Variants in INPP5D observed in about 807,000 individuals in gnomAD.
The protein encoded by INPP5D is inositol polyphosphate-5-phosphatase D.
A neutral mutation model predicts 122.9 loss-of-function variants in INPP5D; 33 were observed. The observed-to-expected ratio is 0.27, with a 90% CI of 0.20 to 0.36. The LOEUF (loss-of-function observed/expected upper bound fraction) is 0.36. INPP5D is among the 10% of genes least tolerant of loss of function. INPP5D has a pLI of 1.00. For synonymous variants in INPP5D, 584 were observed against 576.2 expected (o/e 1.01, Z -0.19); for missense variants, 1,053 against 1,412.7 (o/e 0.75, Z 4.08).
intron 1 of INPP5D, among the ~76,000 whole-genome samples, chr2:233,074,840 A>G (rs1355413221): frequency 6.6e-6 from 1 of 152,212 alleles, no homozygotes; most frequent in Non-Finnish European, 1.5e-5. Flanking sequence ...TGAATTTTAT[A>G]GTTGGATTCT....
rs893997157 is a variant in INPP5D at position 233,105,654 on chromosome 2, C to T, written c.199-16453C>T. Among the ~76,000 whole-genome samples, 13 of 152,216 alleles carry T rather than the reference C, an allele frequency of 8.5e-5. No individual in the cohort carries two copies. Among genetic ancestry groups the T allele is most frequent in the African/African-American group, 3.1e-4 (13 of 41,452 alleles). On this transcript the variant is annotated intron_variant, in intron 2 of 26. Transcript: ENST00000445964. This position sits in a 1 kb window ranked among gnomAD's most constrained non-coding sequence, Gnocchi z 4.0. ...GGGAAGGGTAAGAGGGTAGTGACCG[C>T]AAGCGGGCCGCCTGCTGGCTGCTGC...
intron 2 of INPP5D, among the ~76,000 whole-genome samples, chr2:233,114,428 A>T (rs907848533): frequency 1.3e-5 from 2 of 152,232 alleles, no homozygotes; most frequent in Admixed American, 6.5e-5. Context: ...GGGAGAGGCC[A>T]GGCCGGGAGG....
chr2:233,170,151 A>G lies in INPP5D; in HGVS notation c.1778A>G (p.Asp593Gly), dbSNP rs1336638244. The change falls in exon 15 of 27, where the codon GAT becomes GGT. Residue 593 changes from aspartate to glycine, a missense_variant. Around this residue, in one of 6 missense-constraint regions of INPP5D, gnomAD observed 258 missense variants for 439.1 expected, o/e 0.59. Coordinates refer to ENST00000445964, the MANE Select transcript of INPP5D (RefSeq NM_001017915.3). This position sits in a 1 kb window ranked among gnomAD's most constrained non-coding sequence, Gnocchi z 4.5. The stretch of plus-strand genomic sequence containing the variant: ...TTTGGGGATCTTAACTACCGTGTGG[A>G]TCTGCCTACCTGGGTAAGGGCTGCC... ...FWFGDLNYRVDLPTWEAETII... is the reference protein window; with the variant it reads ...FWFGDLNYRVGLPTWEAETII... The G allele has an allele frequency of 3.1e-6, 5 of 1,613,940 alleles. No homozygotes were observed. The Admixed American group carries it at 5.0e-5, about 16-fold the overall frequency.
intron 24 of INPP5D, 89 bp from the exon 25 acceptor site, chr2:233,198,006 A>C (rs543399937): frequency 2.1e-6 from 3 of 1,437,498 alleles, no homozygotes; most frequent in African/African-American, 2.9e-5. Flanking sequence ...AGAGAGCCCT[A>C]GGGTTATCAG....
At chr2:233,140,741 G>C (rs926980668) in intron 6 of INPP5D, 2 of 152,166 alleles carry the variant, frequency 1.3e-5, no homozygotes, top group Non-Finnish European at 2.9e-5. Flanking sequence ...AGATCTCACT[G>C]TGTTGCCCAG....
chr2:233,125,822 G>C lies in INPP5D; in HGVS notation c.427G>C (p.Val143Leu), dbSNP rs1390931252. Residue 143 changes from valine (V) to leucine (L), a missense_variant, in exon 4 of 27, where the codon GTT (valine) becomes CTT (leucine). By Grantham distance (32) the Val-to-Leu change is conservative. This residue lies in a region of INPP5D where 196 missense variants were observed against 175.6 expected (regional missense o/e 1.12). Coordinates refer to ENST00000445964, the MANE Select transcript of INPP5D (RefSeq NM_001017915.3). ...TGCCAGCTCCTGTGAGGCCAAGGAG[G>C]TTCCTTTTTCAAACGAGAATCCCCG... ...LTASSCEAKE[V>L]PFSNENPRAT... 8.1e-6 allele frequency: 13 copies of C among 1,613,908 alleles called. No homozygotes were observed. The highest frequency in any genetic ancestry group is 1.0e-5 in the Non-Finnish European group (12 of 1,179,858).
At chr2:233,152,572 T>C (rs1172984211) in intron 9 of INPP5D, among the ~76,000 whole-genome samples, 1 of 152,036 alleles carries the variant, frequency 6.6e-6, no homozygotes, top group Non-Finnish European at 1.5e-5. Context: ...GACCTGGGGA[T>C]TTAAATAGAA....
intron 20 of INPP5D, among the ~76,000 whole-genome samples, chr2:233,184,950 G>A (rs1385986520): frequency 6.6e-6 from 1 of 152,068 alleles, no homozygotes. Context: ...GCTCGTTGGA[G>A]ATCACAGCGT....
At chr2:233,073,701 A>G (rs1691442896) in intron 1 of INPP5D, among the ~76,000 whole-genome samples, 1 of 148,554 alleles carries the variant, frequency 6.7e-6, no homozygotes. Flanking sequence ...TTGCATCTGT[A>G]GGACTGAGAT....
intron 13 of INPP5D, among the ~76,000 whole-genome samples, chr2:233,165,379 T>C (rs552170222): frequency 6.6e-6 from 1 of 150,712 alleles, no homozygotes; most frequent in Admixed American, 6.6e-5. Flanking sequence ...AGTCCATGCA[T>C]GTGTGTTTGT....
chr2:233,180,421 C>T lies in INPP5D; in HGVS notation c.2072-1989C>T, dbSNP rs543617209. ...TTCTCCCTGGAACACCCCTCCTCCA[C>T]TGCCACAGCAAACCTGTACCCCTGT... On this transcript the variant is annotated intron_variant, in intron 18 of 26. Transcript: ENST00000445964. Among the ~76,000 whole-genome samples, 3 of 152,276 alleles carry T rather than the reference C, an allele frequency of 2.0e-5. No homozygotes were observed. The East Asian group carries it at 5.8e-4, about 29-fold the overall frequency.
intron 22 of INPP5D, among the ~76,000 whole-genome samples, chr2:233,191,032 G>A (rs1409043580): frequency 1.3e-5 from 2 of 152,208 alleles, no homozygotes; most frequent in Non-Finnish European, 2.9e-5. Flanking sequence ...CTGGGCCTGG[G>A]ATTGGGGAAA....
rs376428985 is a variant in INPP5D, at chr2:233,195,470, A to G, written c.2668A>G (p.Met890Val). The G allele has an allele frequency of 3.7e-6, 6 of 1,605,308 alleles. No homozygotes were observed. The South Asian group carries it at 6.6e-5, about 18-fold the overall frequency. ...GAAGAGCCTCACCAGCCACGACCCC[A>G]TGAAGCAGTGGGAAGTCACTAGCAG... is the stretch of plus-strand genomic sequence containing the variant. The part of the protein sequence containing the change: ...TLKSLTSHDP[M>V]KQWEVTSRAP... Residue 890 changes from methionine (M) to valine (V), a missense_variant, in exon 24 of 27, where the codon ATG (methionine) becomes GTG (valine). This residue lies in a region of INPP5D where 417 missense variants were observed against 425.8 expected (regional missense o/e 0.98). Transcript: ENST00000445964.
chr2:233,139,500 G>GTGTA (rs1396167196), intron 5 of INPP5D, among the ~76,000 whole-genome samples: 1 of 128,602 alleles, frequency 7.8e-6, no homozygotes, highest in African/African-American at 3.0e-5. Context: ...GTGTGTGTGT[G>GTGTA]TGTGTTTTAT....
intron 6 of INPP5D, 138 bp downstream of exon 6, chr2:233,140,067 T>G: frequency 5.2e-6 from 2 of 387,684 alleles, no homozygotes; most frequent in Non-Finnish European, 4.6e-6. Context: ...CAGGTACGCA[T>G]GGGTTGGGGG....
intron 2 of INPP5D, among the ~76,000 whole-genome samples, chr2:233,095,191 T>C (rs767627839): frequency 8.5e-5 from 13 of 152,178 alleles, no homozygotes; most frequent in Non-Finnish European, 1.6e-4. Context: ...TGCAGGGTGA[T>C]ATTGTTGTAG....
At chr2:233,087,558 C>T (rs1204692166) in intron 2 of INPP5D, among the ~76,000 whole-genome samples, 1 of 152,156 alleles carries the variant, frequency 6.6e-6, no homozygotes, top group Non-Finnish European at 1.5e-5. Flanking sequence ...ACCTCTTGAC[C>T]TTGTGATCTG....
chr2:233,088,137 G>A (rs3922950), intron 2 of INPP5D, among the ~76,000 whole-genome samples: 6 of 151,984 alleles, frequency 3.9e-5, no homozygotes, highest in South Asian at 2.1e-4. Context: ...CACCACCCCC[G>A]ACTAATTTTT....
intron 9 of INPP5D, among the ~76,000 whole-genome samples, chr2:233,148,434 C>T (rs762756972): frequency 1.3e-5 from 2 of 152,106 alleles, no homozygotes; most frequent in Non-Finnish European, 2.9e-5. Context: ...GCGGAGACCC[C>T]GAGGCTGAGA....
Sources: gnomAD v4.1 joint callset for allele counts (sites outside exome capture counted in the v4.1 genomes callset) on GRCh38, gnomAD v4.1.1 for gene constraint, gnomAD v4.1.1 regional missense constraint, Gnocchi (gnomAD v3.1) non-coding constraint, MANE v1.5 for transcripts, NCBI Gene and HGNC (gene_info 2026-07-23, HGNC 2026-07-21) for gene names.